The following RNGTT variants were observed in gnomAD, a reference collection of about 807,000 sequenced individuals.
The protein encoded by RNGTT is mRNA-capping enzyme.
Under a neutral mutation model 79.3 loss-of-function variants are expected in RNGTT, and 33 were observed. That is an observed-to-expected ratio of 0.42 (90% CI 0.32 to 0.56). RNGTT has a LOEUF of 0.56. RNGTT is among the 20% of genes least tolerant of loss of function. The probability of loss-of-function intolerance (pLI) is 0.17; values close to 1 mark genes in which losing one functional copy is unlikely to be tolerated. For synonymous variants in RNGTT, 222 were observed against 235.9 expected, an observed-to-expected ratio of 0.94 and a Z score of 0.54; for missense variants, 497 against 739.1, an observed-to-expected ratio of 0.67 and a Z score of 3.80.
chr6:88,840,465 T>C (rs912998176), intron 11 of RNGTT, among the ~76,000 whole-genome samples: 1 of 152,218 alleles, frequency 6.6e-6, no homozygotes, highest in Non-Finnish European at 1.5e-5. Context: ...GGCACAATCT[T>C]GGCTCACTGT....
At chr6:88,834,080 A>G (rs1425081451) in intron 11 of RNGTT, among the ~76,000 whole-genome samples, 2 of 152,194 alleles carry the variant, frequency 1.3e-5, no homozygotes, top group Non-Finnish European at 2.9e-5. Flanking sequence ...GAATCTACAA[A>G]TAGGTATTTT....
At chr6:88,702,908 C>G (rs184478402) in intron 13 of RNGTT, among the ~76,000 whole-genome samples, 108 of 152,146 alleles carry the variant, frequency 7.1e-4, no homozygotes, top group South Asian at 3.1e-3. Flanking sequence ...GTAGAGATCT[C>G]TCAAAATTCG....
intron 12 of RNGTT, among the ~76,000 whole-genome samples, chr6:88,788,504 T>C (rs976900397): frequency 6.6e-6 from 1 of 152,224 alleles, no homozygotes; most frequent in African/African-American, 2.4e-5. Flanking sequence ...AGGAGATGAC[T>C]GGCGACCTTT....
At chr6:88,776,506 CT>C (rs1181867152) in intron 12 of RNGTT, among the ~76,000 whole-genome samples, 2 of 149,170 alleles carry the variant, frequency 1.3e-5, no homozygotes, top group East Asian at 3.9e-4. Flanking sequence ...TTTTTTTCTT[CT>C]TTTTTTTAGT....
intron 4 of RNGTT, among the ~76,000 whole-genome samples, chr6:88,924,159 G>C (rs962639003): frequency 6.6e-6 from 1 of 152,242 alleles, no homozygotes; most frequent in African/African-American, 2.4e-5. Flanking sequence ...CAAGGGCCTT[G>C]TTCAACCCAG....
At chr6:88,923,963 C>T (rs1784240333) in intron 4 of RNGTT, among the ~76,000 whole-genome samples, 1 of 152,214 alleles carries the variant, frequency 6.6e-6, no homozygotes, top group South Asian at 2.1e-4. Flanking sequence ...GAGCAACGTG[C>T]CCCTGGCAGC....
At chr6:88,658,319 A>C (rs1408021831) in intron 14 of RNGTT, among the ~76,000 whole-genome samples, 1 of 152,148 alleles carries the variant, frequency 6.6e-6, no homozygotes, top group Non-Finnish European at 1.5e-5. Context: ...ACAAAACAAC[A>C]ACCAATGATT....
intron 13 of RNGTT, among the ~76,000 whole-genome samples, chr6:88,703,225 T>C (rs893888871): frequency 6.6e-6 from 1 of 152,164 alleles, no homozygotes; most frequent in Non-Finnish European, 1.5e-5. Context: ...AAACAAATCA[T>C]TCTACCAAAA....
chr6:88,837,763 C>A (rs542284909), intron 11 of RNGTT, among the ~76,000 whole-genome samples: 1 of 151,960 alleles, frequency 6.6e-6, no homozygotes, highest in Admixed American at 6.6e-5. Flanking sequence ...CCAAACTGAA[C>A]ACCCATTCTT....
intron 12 of RNGTT, among the ~76,000 whole-genome samples, chr6:88,801,021 T>C (rs911243496): frequency 3.3e-5 from 5 of 152,164 alleles, no homozygotes; most frequent in East Asian, 1.9e-4. Flanking sequence ...TAGAGTAAAA[T>C]ACAACTTACT....
intron 8 of RNGTT, among the ~76,000 whole-genome samples, chr6:88,858,330 G>C (rs1000801598): frequency 6.6e-6 from 1 of 152,030 alleles, no homozygotes; most frequent in African/African-American, 2.4e-5. Flanking sequence ...AAATGGCACA[G>C]ACTCTCTTCT....
intron 8 of RNGTT, among the ~76,000 whole-genome samples, chr6:88,885,266 T>G (rs1262929764): frequency 6.6e-6 from 1 of 152,090 alleles, no homozygotes; most frequent in African/African-American, 2.4e-5. Flanking sequence ...ATTCCAGGGC[T>G]GGGGTAGGAA....
At position 88,781,435 on chromosome 6, in the gene RNGTT, T is replaced by C. The variant is rs114034073; in HGVS notation, c.1339-11561A>G. Among the ~76,000 whole-genome samples the C allele has an allele frequency of 7.7e-3, 1,171 of 152,324 alleles. 9 individuals are homozygous for C. The highest frequency in any genetic ancestry group is 0.026 in the African/African-American group (1,087 of 41,568). ...AAAGATCCCTGTCCTTACTATAATATTAGTTTTATTACAGCATTTATTTTT... is the reference window on the plus strand; with the variant it reads ...AAAGATCCCTGTCCTTACTATAATACTAGTTTTATTACAGCATTTATTTTT... On this transcript the variant is annotated intron_variant, in intron 12 of 15. Coordinates refer to ENST00000369485, the MANE Select transcript of RNGTT (RefSeq NM_003800.5).
Position 88,853,781 on chromosome 6 carries a change from A to C in RNGTT, c.897-17T>G. On this transcript the variant is annotated splice_polypyrimidine_tract_variant and intron_variant, in intron 8 of 15. Coordinates refer to ENST00000369485, the MANE Select transcript of RNGTT (RefSeq NM_003800.5). ...ATCATGTACCTGTAAATGAAACATT[A>C]AAAAGCTAATATTTACAGTATAATA... 1 of 1,482,800 alleles carries C rather than the reference A, an allele frequency of 6.7e-7. No homozygotes were observed. Among genetic ancestry groups the C allele is most frequent in the Non-Finnish European group, 9.2e-7 (1 of 1,084,684 alleles). 91.9% of individuals were successfully genotyped at this position (1,482,800 alleles called of 1,614,324 possible). A position where few individuals can be genotyped will look rare whatever the true frequency, so the allele number is the denominator to read the frequency against.
At position 88,700,808 on chromosome 6, in the gene RNGTT, T is replaced by C. The variant is rs566066160; in HGVS notation, c.1440-22389A>G. Among the ~76,000 whole-genome samples the C allele has an allele frequency of 9.9e-5, 15 of 152,224 alleles. No individual in the cohort carries two copies. In the South Asian group the frequency reaches 2.3e-3, roughly 23 times the overall value. On this transcript the variant is annotated intron_variant, in intron 13 of 15. Coordinates refer to ENST00000369485, the MANE Select transcript of RNGTT (RefSeq NM_003800.5). The stretch of plus-strand genomic sequence containing the variant: ...ATTTAGCCTCAGTATTTTTGTTGGA[T>C]GAATAGATATGACTTATTTCACAAA...
intron 12 of RNGTT, among the ~76,000 whole-genome samples, chr6:88,786,462 G>A (rs1022603547): frequency 9.2e-5 from 14 of 151,984 alleles, no homozygotes; most frequent in Admixed American, 8.5e-4. Context: ...TTTAAGTGAC[G>A]AATGGCCAAA....
intron 13 of RNGTT, among the ~76,000 whole-genome samples, chr6:88,743,285 T>C (rs1032195201): frequency 6.6e-6 from 1 of 152,102 alleles, no homozygotes; most frequent in African/African-American, 2.4e-5. Flanking sequence ...TTAAAGAAGT[T>C]TACTTGTTTT....
chr6:88,957,932 A>C (rs765177780), intron 1 of RNGTT, among the ~76,000 whole-genome samples: 1 of 152,138 alleles, frequency 6.6e-6, no homozygotes, highest in Non-Finnish European at 1.5e-5. Flanking sequence ...GTAAGCAAAC[A>C]AAAAAGAACA....
chr6:88,691,637 G>A (rs994957414), intron 13 of RNGTT, among the ~76,000 whole-genome samples: 7 of 152,056 alleles, frequency 4.6e-5, no homozygotes, highest in Admixed American at 6.6e-5. Context: ...TAGGATGCTG[G>A]CAATATTATT....
Sources: gnomAD v4.1 joint callset for allele counts (sites outside exome capture counted in the v4.1 genomes callset) on GRCh38, gnomAD v4.1.1 for gene constraint, MANE v1.5 for transcripts, NCBI Gene and HGNC (gene_info 2026-07-23, HGNC 2026-07-21) for gene names.